SKOR1: variants seen among roughly 807,000 people sequenced by gnomAD.
SKOR1 encodes the protein LBX1 corepressor 1.
SKOR1 carries 38 observed loss-of-function variants against 72.4 expected under a neutral mutation model. The ratio of observed to expected loss-of-function variants is 0.52; its 90% CI spans 0.40 to 0.69. The LOEUF (loss-of-function observed/expected upper bound fraction) is 0.69, where lower values mean the gene tolerates loss of function less well. Ranked by LOEUF, SKOR1 falls within the 30% of genes least tolerant of loss-of-function variation. The pLI, the probability that SKOR1 is intolerant of heterozygous loss-of-function variation, is 0.00. For synonymous variants in SKOR1, 642 were observed against 599.4 expected (o/e 1.07, Z -1.04); for missense variants, 1,320 against 1,343.2 (o/e 0.98, Z 0.27).
At position 67,825,518 on chromosome 15, in the gene SKOR1, G is replaced by A. The variant is rs1357717885; in HGVS notation, c.-85G>A. 3 of 685,352 alleles carry A rather than the reference G, an allele frequency of 4.4e-6. No homozygotes were observed. The African/African-American group carries it at 5.4e-5, about 12-fold the overall frequency. The allele number at this position is 685,352 out of a possible 1,614,324, so 42.5% of individuals were successfully genotyped here. On this transcript the variant is annotated 5_prime_UTR_variant, in exon 1 of 9. Transcript: ENST00000380035. This position sits in a 1 kb window ranked among gnomAD's most constrained non-coding sequence, Gnocchi z 5.6. ...GGGGCGGCCGATCCCCGAAGTCCGG[G>A]CTTCAGGACCCGGGCCGGCAGCACC...
intron 2 of SKOR1, 124 bp downstream of exon 2, chr15:67,828,268 C>T: frequency 7.5e-7 from 1 of 1,341,128 alleles, no homozygotes; most frequent in Non-Finnish European, 9.5e-7. Context: ...AGGCCTCGGC[C>T]ACTCTCCGCA....
rs578062978 is a variant in SKOR1, at chr15:67,825,697, G to T, written c.95G>T (p.Arg32Leu). The change falls in exon 1 of 9, where the codon CGG becomes CTG. Residue 32 changes from arginine to leucine, a missense_variant. Around this residue, in one of 3 missense-constraint regions of SKOR1, gnomAD observed 120 missense variants for 104.9 expected, o/e 1.14. Transcript: ENST00000380035. This position sits in a 1 kb window ranked among gnomAD's most constrained non-coding sequence, Gnocchi z 5.6. Reference protein sequence around the residue: ...SENGIGFLAARAFLRSGGMEA... With the variant: ...SENGIGFLAALAFLRSGGMEA... ...AACGGGATTGGGTTCCTTGCAGCCC[G>T]GGCATTCCTGAGGTCTCCTTTACCC... 2 of 748,548 alleles carry T rather than the reference G, an allele frequency of 2.7e-6. No individual in the cohort carries two copies. The highest frequency in any genetic ancestry group is 2.9e-5 in the South Asian group (2 of 68,278). The allele number at this position is 748,548 out of a possible 1,614,324, so 46.4% of individuals were successfully genotyped here.
rs768097118 is a variant in SKOR1, at chr15:67,833,169, T to C, written c.2738-23T>C. 3.7e-6 allele frequency: 6 copies of C among 1,613,874 alleles called. No individual in the cohort carries two copies. Among genetic ancestry groups the C allele is most frequent in the Non-Finnish European group, 4.2e-6 (5 of 1,179,876 alleles). Reference sequence around the variant, plus strand: ...CGGAGGGTGGTCTGCGTTTCCTCACTGGCCCCTCCCCTTGTCTTCCAGATA... The same window carrying C: ...CGGAGGGTGGTCTGCGTTTCCTCACCGGCCCCTCCCCTTGTCTTCCAGATA... On this transcript the variant is annotated intron_variant, in intron 7 of 8. Transcript: ENST00000380035. The surrounding 1 kb of genome is among the most constrained non-coding windows in gnomAD (Gnocchi z 6.0).
In SKOR1 at chr15:67,832,928, A is replaced by T; in HGVS notation, c.2737+247A>T. On this transcript the variant is annotated intron_variant, in intron 7 of 8. Coordinates refer to ENST00000380035, the MANE Select transcript of SKOR1 (RefSeq NM_001365915.1). The surrounding 1 kb of genome is among the most constrained non-coding windows in gnomAD (Gnocchi z 4.5). ...CGGCAATTTCCATGGTTTCTAAATT[A>T]AAAATCGAGGCGTAAAATTACCTGG... 1.7e-6 allele frequency: 1 copy of T among 602,290 alleles called. No homozygotes were observed. Among genetic ancestry groups the T allele is most frequent in the Non-Finnish European group, 2.9e-6 (1 of 341,438 alleles). 37.3% of individuals were successfully genotyped at this position (602,290 alleles called of 1,614,324 possible).
In SKOR1 at chr15:67,827,166, GC is replaced by G; in HGVS notation, c.1343del (p.Pro448ArgfsTer187). ...CGGGGGGCCCGGGAGCCAGCCACTTGCCCCCGGGGGCAGGGGCGGGCCCGGG... is the reference window on the plus strand; with the variant it reads ...CGGGGGGCCCGGGAGCCAGCCACTTGCCCCGGGGGCAGGGGCGGGCCCGGG... Reference protein sequence around the residue: ...GAGGPGASHLPPGAGAGPGGG... With the variant: ...GAGGPGASHLXPGAGAGPGGG... On this transcript the variant is annotated frameshift_variant, in exon 2 of 9. Transcript: ENST00000380035. LOFTEE classifies it high-confidence loss of function. 1.5e-6 allele frequency: 2 copies of G among 1,350,152 alleles called. No homozygotes were observed. Among genetic ancestry groups the G allele is most frequent in the Non-Finnish European group, 1.9e-6 (2 of 1,061,770 alleles). 83.6% of individuals were successfully genotyped at this position (1,350,152 alleles called of 1,614,324 possible).
rs765942509 is a variant in SKOR1, at chr15:67,829,175, G to C, written c.2317-4G>C. ...AATCGCCTGTCATTTCTCGGCCGTC[G>C]CAGGTGTTCGCGCCCGAGAGGGATG... On this transcript the variant is annotated splice_polypyrimidine_tract_variant and splice_region_variant and intron_variant, in intron 2 of 8. Transcript: ENST00000380035. The C allele has an allele frequency of 6.5e-7, 1 of 1,549,704 alleles. No individual in the cohort carries two copies. The highest frequency in any genetic ancestry group is 1.2e-5 in the South Asian group (1 of 85,334).
At position 67,825,888 on chromosome 15, in the gene SKOR1, G is replaced by A; in HGVS notation, c.108-48G>A. ...TGCTGGGCGGGCCCGAGCCTCGGCG[G>A]CGGCGCTGAAAATGGCTCATCTGCT... On this transcript the variant is annotated intron_variant, in intron 1 of 8. Transcript: ENST00000380035. The surrounding 1 kb of genome is among the most constrained non-coding windows in gnomAD (Gnocchi z 5.6). 6.6e-7 allele frequency: 1 copy of A among 1,509,184 alleles called. No individual in the cohort carries two copies. The highest frequency in any genetic ancestry group is 1.4e-5 in the African/African-American group (1 of 71,760). 93.5% of individuals were successfully genotyped at this position (1,509,184 alleles called of 1,614,324 possible). A position where few individuals can be genotyped will look rare whatever the true frequency, so the allele number is the denominator to read the frequency against.
Position 67,830,888 on chromosome 15 carries a change from A to C in SKOR1, c.2586A>C (p.Arg862Ser). Residue 862 changes from arginine (R) to serine (S), a missense_variant and splice_region_variant, in exon 5 of 9, where the codon AGA (arginine) becomes AGC (serine). Arg to Ser is a moderately radical substitution (Grantham distance 110, BLOSUM62 -1). Coordinates refer to ENST00000380035, the MANE Select transcript of SKOR1 (RefSeq NM_001365915.1). ...LVEKDIENLA[R>S]EELQKLLLEQ... ...AGAAAGATATCGAGAACCTGGCCAGAGGTGAGGATAAATTTGTGAAAAAGG... is the reference window on the plus strand; with the variant it reads ...AGAAAGATATCGAGAACCTGGCCAGCGGTGAGGATAAATTTGTGAAAAAGG... The C allele has an allele frequency of 6.2e-7, 1 of 1,614,060 alleles. No individual in the cohort carries two copies. Among genetic ancestry groups the C allele is most frequent in the Non-Finnish European group, 8.5e-7 (1 of 1,179,960 alleles).
In SKOR1 at chr15:67,827,510, C is replaced by T. The variant is rs890971022; in HGVS notation, c.1682C>T (p.Pro561Leu). ...ERCPSALSRG[P>L]LDEDGTDEAL... ...TGCCCGAGCGCTCTGTCCCGCGGGC[C>T]CCTGGACGAAGACGGCACGGACGAG... The change falls in exon 2 of 9, where the codon CCC becomes CTC. Residue 561 changes from proline to leucine, a missense_variant. Pro to Leu is a moderately conservative substitution (Grantham distance 98, BLOSUM62 -3). Coordinates refer to ENST00000380035, the MANE Select transcript of SKOR1 (RefSeq NM_001365915.1). 2.6e-4 allele frequency: 389 copies of T among 1,523,822 alleles called. No homozygotes were observed. Among genetic ancestry groups the T allele is most frequent in the Non-Finnish European group, 3.2e-4 (360 of 1,142,680 alleles). The allele number at this position is 1,523,822 out of a possible 1,614,324, so 94.4% of individuals were successfully genotyped here.
rs769198235 is a variant in SKOR1 at position 67,826,386 on chromosome 15, G to C, written c.558G>C (p.Glu186Asp). The change falls in exon 2 of 9, where the codon GAG (glutamate) becomes GAC (aspartate). Residue 186 changes from glutamate (E) to aspartate (D), a missense_variant. Around this residue, in one of 3 missense-constraint regions of SKOR1, gnomAD observed 101 missense variants for 212.8 expected, o/e 0.47. Coordinates refer to ENST00000380035, the MANE Select transcript of SKOR1 (RefSeq NM_001365915.1). ...ACTTCGCCTTCGATGTGGTGCACGA[G>C]TGCGCGTGGGGCTCGCGTGGTAGCT... ...PENFAFDVVH[E>D]CAWGSRGSFI... The C allele has an allele frequency of 1.2e-6, 2 of 1,613,912 alleles. No homozygotes were observed. The highest frequency in any genetic ancestry group is 1.7e-6 in the Non-Finnish European group (2 of 1,180,000).
Position 67,825,614 on chromosome 15 carries a change from G to A in SKOR1, c.12G>A (p.Leu4=). Residue 4 remains leucine (L), a synonymous_variant, in exon 1 of 9, where the codon CTG becomes CTA. Coordinates refer to ENST00000380035, the MANE Select transcript of SKOR1 (RefSeq NM_001365915.1). This position sits in a 1 kb window ranked among gnomAD's most constrained non-coding sequence, Gnocchi z 5.6. Reference sequence around the variant, plus strand: ...GCCAGGATTTGGCAATGGCTTTGCTGTGTGGCCTTGGGCAAGTCACTCTGC... The same window carrying A: ...GCCAGGATTTGGCAATGGCTTTGCTATGTGGCCTTGGGCAAGTCACTCTGC... MAL[L]CGLGQVTLRI... 3 of 720,688 alleles carry A rather than the reference G, an allele frequency of 4.2e-6. No homozygotes were observed. The highest frequency in any genetic ancestry group is 5.4e-5 in the East Asian group (2 of 37,370). 44.6% of individuals were successfully genotyped at this position (720,688 alleles called of 1,614,324 possible). A position where few individuals can be genotyped will look rare whatever the true frequency, so the allele number is the denominator to read the frequency against.
rs748622338 is a variant in SKOR1 at position 67,833,510 on chromosome 15, ACTC to A, written c.2804-228_2804-226del. ...ACCAATTCTGGCTTTGAGCAGGTTGACTCCTCTCTTACTGTGCCTCAGTTTCCT... is the reference window on the plus strand; with the variant it reads ...ACCAATTCTGGCTTTGAGCAGGTTGACTCTCTTACTGTGCCTCAGTTTCCT... On this transcript the variant is annotated intron_variant, in intron 8 of 8. Coordinates refer to ENST00000380035, the MANE Select transcript of SKOR1 (RefSeq NM_001365915.1). The surrounding 1 kb of genome is among the most constrained non-coding windows in gnomAD (Gnocchi z 6.0). Among the ~76,000 whole-genome samples the A allele has an allele frequency of 8.4e-4, 127 of 151,858 alleles. No homozygotes were observed. Among genetic ancestry groups the A allele is most frequent in the Non-Finnish European group, 1.5e-3 (103 of 67,956 alleles).
At position 67,833,970 on chromosome 15, in the gene SKOR1, T is replaced by G; in HGVS notation, c.*134T>G. On this transcript the variant is annotated 3_prime_UTR_variant, in exon 9 of 9. Coordinates refer to ENST00000380035, the MANE Select transcript of SKOR1 (RefSeq NM_001365915.1). This position sits in a 1 kb window ranked among gnomAD's most constrained non-coding sequence, Gnocchi z 6.0. ...AAATACAGCCGCCCGTCCGCCCGCC[T>G]TCCTCCCGGGCTCCCCGGCCTTGCC... 1 of 999,242 alleles carries G rather than the reference T, an allele frequency of 1.0e-6. No homozygotes were observed. Among genetic ancestry groups the G allele is most frequent in the Non-Finnish European group, 1.5e-6 (1 of 658,192 alleles). The allele number at this position is 999,242 out of a possible 1,614,324, so 61.9% of individuals were successfully genotyped here.
chr15:67,829,385 G>T, intron 3 of SKOR1, 116 bp downstream of exon 3: 2 of 877,360 alleles, frequency 2.3e-6, no homozygotes, highest in Non-Finnish European at 3.4e-6. Flanking sequence ...AGAGGGAGAG[G>T]GAAAGAAAAA....
In SKOR1 at chr15:67,833,053, T is replaced by G; in HGVS notation, c.2738-139T>G. 1 of 845,886 alleles carries G rather than the reference T, an allele frequency of 1.2e-6. No homozygotes were observed. The highest frequency in any genetic ancestry group is 2.7e-5 in the East Asian group (1 of 37,508). 52.4% of individuals were successfully genotyped at this position (845,886 alleles called of 1,614,324 possible). A position where few individuals can be genotyped will look rare whatever the true frequency, so the allele number is the denominator to read the frequency against. ...CCTCCGCCAGTCTGCAGTTAGGAGCTCCGGTACCCCCTCCCCCATCCCTGG... is the reference window on the plus strand; with the variant it reads ...CCTCCGCCAGTCTGCAGTTAGGAGCGCCGGTACCCCCTCCCCCATCCCTGG... On this transcript the variant is annotated intron_variant, in intron 7 of 8. Transcript: ENST00000380035. The surrounding 1 kb of genome is among the most constrained non-coding windows in gnomAD (Gnocchi z 6.0).
At position 67,827,661 on chromosome 15, in the gene SKOR1, C is replaced by T; in HGVS notation, c.1833C>T (p.Ser611=). 3 of 1,531,552 alleles carry T rather than the reference C, an allele frequency of 2.0e-6. No homozygotes were observed. Among genetic ancestry groups the T allele is most frequent in the Middle Eastern group, 1.7e-4 (1 of 5,844 alleles). 94.9% of individuals were successfully genotyped at this position (1,531,552 alleles called of 1,614,324 possible). ...DTESIAKLYG[S]AREAYGAGPA... Reference sequence around the variant, plus strand: ...AGAGCATCGCTAAGCTCTACGGGAGCGCCCGGGAGGCGTACGGCGCGGGGC... The same window carrying T: ...AGAGCATCGCTAAGCTCTACGGGAGTGCCCGGGAGGCGTACGGCGCGGGGC... The change falls in exon 2 of 9, where the codon AGC becomes AGT. Residue 611 remains serine, a synonymous_variant. Coordinates refer to ENST00000380035, the MANE Select transcript of SKOR1 (RefSeq NM_001365915.1).
Position 67,827,107 on chromosome 15 carries a change from A to G in SKOR1, c.1279A>G (p.Ser427Gly). ...GEPKGGPGTG[S>G]GGGGAGTGGG... is the part of the protein sequence containing the mutation. ...GCCAAAGGGCGGTCCTGGCACTGGG[A>G]GCGGCGGCGGCGGCGCGGGGACAGG... The change falls in exon 2 of 9, where the codon AGC becomes GGC. Residue 427 changes from serine to glycine, a missense_variant. By Grantham distance (56) the Ser-to-Gly change is moderately conservative (BLOSUM62 0). Coordinates refer to ENST00000380035, the MANE Select transcript of SKOR1 (RefSeq NM_001365915.1). The G allele has an allele frequency of 7.1e-7, 1 of 1,406,876 alleles. No individual in the cohort carries two copies. The highest frequency in any genetic ancestry group is 9.2e-7 in the Non-Finnish European group (1 of 1,087,760). The allele number at this position is 1,406,876 out of a possible 1,614,324, so 87.1% of individuals were successfully genotyped here. A position where few individuals can be genotyped will look rare whatever the true frequency, so the allele number is the denominator to read the frequency against.
At position 67,833,037 on chromosome 15, in the gene SKOR1, G is replaced by A; in HGVS notation, c.2738-155G>A. Reference sequence around the variant, plus strand: ...CCCAGGCCATTTCCTTCCTCCGCCAGTCTGCAGTTAGGAGCTCCGGTACCC... The same window carrying A: ...CCCAGGCCATTTCCTTCCTCCGCCAATCTGCAGTTAGGAGCTCCGGTACCC... On this transcript the variant is annotated intron_variant, in intron 7 of 8. Coordinates refer to ENST00000380035, the MANE Select transcript of SKOR1 (RefSeq NM_001365915.1). The surrounding 1 kb of genome is among the most constrained non-coding windows in gnomAD (Gnocchi z 6.0). 1 of 737,416 alleles carries A rather than the reference G, an allele frequency of 1.4e-6. No individual in the cohort carries two copies. The highest frequency in any genetic ancestry group is 1.6e-5 in the South Asian group (1 of 60,778). 45.7% of individuals were successfully genotyped at this position (737,416 alleles called of 1,614,324 possible).
Position 67,827,187 on chromosome 15 carries a change from C to T in SKOR1, c.1359C>T (p.Gly453=). Residue 453 remains glycine, a synonymous_variant, in exon 2 of 9, where the codon GGC becomes GGT. Coordinates refer to ENST00000380035, the MANE Select transcript of SKOR1 (RefSeq NM_001365915.1). ...ASHLPPGAGA[G]PGGGAMFWGH... The stretch of plus-strand genomic sequence containing the variant: ...ACTTGCCCCCGGGGGCAGGGGCGGG[C>T]CCGGGCGGCGGCGCCATGTTCTGGG... 3 of 1,400,614 alleles carry T rather than the reference C, an allele frequency of 2.1e-6. No individual in the cohort carries two copies. Among genetic ancestry groups the T allele is most frequent in the Non-Finnish European group, 2.8e-6 (3 of 1,084,004 alleles). The allele number at this position is 1,400,614 out of a possible 1,614,324, so 86.8% of individuals were successfully genotyped here. A position where few individuals can be genotyped will look rare whatever the true frequency, so the allele number is the denominator to read the frequency against.
Sources: allele counts gnomAD v4.1 joint callset (sites outside exome capture counted in the v4.1 genomes callset), GRCh38; gene constraint gnomAD v4.1.1; regional missense constraint gnomAD v4.1.1; non-coding constraint Gnocchi (gnomAD v3.1); transcripts MANE v1.5; gene names NCBI Gene and HGNC (gene_info 2026-07-23, HGNC 2026-07-21).